IQANK1: variants seen among roughly 807,000 people sequenced by gnomAD.
The protein encoded by IQANK1 is IQ motif and ankyrin repeat domain-containing protein 1.
A neutral mutation model predicts 22.6 loss-of-function variants in IQANK1; 30 were observed. That is an observed-to-expected ratio of 1.33 (90% CI 0.99 to 1.80). The LOEUF (loss-of-function observed/expected upper bound fraction) is 1.80. Ranked by LOEUF, IQANK1 falls within the 40% of genes most tolerant of loss-of-function variation. IQANK1 has a pLI of 0.00. For missense variants in IQANK1, 275 were observed against 235.2 expected (o/e 1.17, Z -1.11); for synonymous variants, 122 against 99.6 (o/e 1.23, Z -1.34).
intron 3 of IQANK1, among the ~76,000 whole-genome samples, chr8:143,770,953 G>T (rs888339815): frequency 3.3e-5 from 5 of 152,244 alleles, no homozygotes; most frequent in African/African-American, 7.2e-5. Flanking sequence ...CTCCAGGCTC[G>T]GGCTCAGCGC....
chr8:143,735,665 G>T lies in IQANK1; in HGVS notation c.-4-185G>T, dbSNP rs1192718795. On this transcript the variant is annotated intron_variant, in intron 1 of 13. Transcript: ENST00000527139. This position sits in a 1 kb window ranked among gnomAD's most constrained non-coding sequence, Gnocchi z 5.2. ...GCTCTTGCCAGGCATCCCGGCTCAA[G>T]CTTCTGGGCACACACCCGGGGCGGG... Among the ~76,000 whole-genome samples the T allele has an allele frequency of 1.3e-5, 2 of 152,068 alleles. No individual in the cohort carries two copies. The highest frequency in any genetic ancestry group is 3.9e-4 in the East Asian group (2 of 5,182).
chr8:143,761,496 G>A (rs1391402716), intron 3 of IQANK1, among the ~76,000 whole-genome samples: 2 of 152,184 alleles, frequency 1.3e-5, no homozygotes, highest in Non-Finnish European at 2.9e-5. Flanking sequence ...TCGGCCTGGC[G>A]GGGTAACTCA....
chr8:143,756,934 C>T (rs782337781), intron 3 of IQANK1, among the ~76,000 whole-genome samples: 5 of 151,410 alleles, frequency 3.3e-5, no homozygotes, highest in African/African-American at 4.9e-5. Context: ...GCTGTGATCG[C>T]GCCACTGCAC....
chr8:143,789,335 A>G, intron 9 of IQANK1, 92 bp downstream of exon 9: 1 of 529,560 alleles, frequency 1.9e-6, no homozygotes, highest in Non-Finnish European at 2.9e-6. Context: ...AAGCTGGGGG[A>G]AGAGCCAGGA....
chr8:143,771,685 G>C lies in IQANK1; in HGVS notation c.306+67G>C. On this transcript the variant is annotated intron_variant, in intron 4 of 13. Coordinates refer to ENST00000527139, the MANE Select transcript of IQANK1 (RefSeq NM_001381874.1). The surrounding 1 kb of genome is among the most constrained non-coding windows in gnomAD (Gnocchi z 6.0). ...GCAGGGGGAGGAAATGGCGAAGCAGGGTGCGTGGTGGGGGTGAGGCTCAGA... is the reference window on the plus strand; with the variant it reads ...GCAGGGGGAGGAAATGGCGAAGCAGCGTGCGTGGTGGGGGTGAGGCTCAGA... 2.5e-6 allele frequency: 1 copy of C among 398,730 alleles called. No individual in the cohort carries two copies. 24.7% of individuals were successfully genotyped at this position (398,730 alleles called of 1,614,324 possible).
At chr8:143,777,296 A>G (rs1388270909) in intron 7 of IQANK1, among the ~76,000 whole-genome samples, 1 of 152,016 alleles carries the variant, frequency 6.6e-6, no homozygotes, top group Non-Finnish European at 1.5e-5. Context: ...TGCGTAGATC[A>G]CCTGAGGTCA....
chr8:143,737,631 C>G (rs1326412005), intron 2 of IQANK1, among the ~76,000 whole-genome samples: 1 of 152,208 alleles, frequency 6.6e-6, no homozygotes, highest in Admixed American at 6.5e-5. Context: ...CTCCCGCCAC[C>G]CCATCCAGGC....
At chr8:143,742,805 AGCAGCCCTGGGCCACACTGG>A (rs1563768317) in intron 3 of IQANK1, 1 of 456,092 alleles carries the variant, frequency 2.2e-6, no homozygotes, top group African/African-American at 2.0e-5. Context: ...CACCTTAGCC[AGCAGCCCTGGGCCACACTGG>A]GGATGGTCCC....
Position 143,767,899 on chromosome 8 carries a change from T to G in IQANK1, c.176-3589T>G, listed in dbSNP as rs1441667810. 4.8e-5 allele frequency among the ~76,000 whole-genome samples: 5 copies of G among 104,792 alleles called. 2 individuals are homozygous for G. The highest frequency in any genetic ancestry group is 4.1e-4 in the East Asian group (1 of 2,450). The allele number at this position is 104,792 out of a possible 152,430, so 68.7% of individuals were successfully genotyped here. ...GACCTTTTTTTTTTTTTTTTTTTTTTGTGAGACAGAGTCTCGCTCTGTCGC... is the reference window on the plus strand; with the variant it reads ...GACCTTTTTTTTTTTTTTTTTTTTTGGTGAGACAGAGTCTCGCTCTGTCGC... On this transcript the variant is annotated intron_variant, in intron 3 of 13. Transcript: ENST00000527139.
intron 3 of IQANK1, among the ~76,000 whole-genome samples, chr8:143,757,784 G>A (rs879987305): frequency 6.6e-6 from 1 of 152,154 alleles, no homozygotes; most frequent in Non-Finnish European, 1.5e-5. Context: ...GAGTAGCTAG[G>A]ATTTTACAGG....
intron 3 of IQANK1, chr8:143,742,189 C>T (rs1321546846): frequency 6.4e-5 from 23 of 359,792 alleles, no homozygotes; most frequent in Middle Eastern, 5.7e-4. Context: ...GTCCCGGGCT[C>T]GTTCACTTCA....
chr8:143,734,900 C>G (rs1554625442), intron 1 of IQANK1, among the ~76,000 whole-genome samples: 1 of 151,792 alleles, frequency 6.6e-6, no homozygotes, highest in Non-Finnish European at 1.5e-5. Context: ...CCAGGTCCCC[C>G]TCAGGCCCTC....
At chr8:143,743,987 C>G (rs1818977442) in intron 3 of IQANK1, 1 of 329,282 alleles carries the variant, frequency 3.0e-6, no homozygotes, top group African/African-American at 2.2e-5. Flanking sequence ...GCACCCACCA[C>G]CACACCCAGC....
At chr8:143,766,053 C>T (rs901226456) in intron 3 of IQANK1, among the ~76,000 whole-genome samples, 1 of 152,104 alleles carries the variant, frequency 6.6e-6, no homozygotes, top group South Asian at 2.1e-4. Context: ...GTGTAGGGAC[C>T]GGTGTTCTGC....
At chr8:143,749,067 T>G (rs1164037851) in intron 3 of IQANK1, among the ~76,000 whole-genome samples, 4 of 121,638 alleles carry the variant, frequency 3.3e-5, no homozygotes, top group Admixed American at 9.8e-5. Flanking sequence ...TAAATATATA[T>G]CATATATGAT....
At chr8:143,753,030 G>A (rs1352050474) in intron 3 of IQANK1, among the ~76,000 whole-genome samples, 1 of 130,568 alleles carries the variant, frequency 7.7e-6, no homozygotes, top group East Asian at 2.5e-4. Context: ...TTGAGACAGG[G>A]TCTCACTCTG....
chr8:143,762,341 GGAAAA>G (rs111349466), intron 3 of IQANK1, among the ~76,000 whole-genome samples: 17 of 151,104 alleles, frequency 1.1e-4, no homozygotes, highest in African/African-American at 4.2e-4. Flanking sequence ...AGGGAGGGAG[GGAAAA>G]GAAAAGAAAA....
chr8:143,786,823 A>T (rs1554631414), intron 7 of IQANK1, among the ~76,000 whole-genome samples: 1 of 152,172 alleles, frequency 6.6e-6, no homozygotes, highest in Admixed American at 6.5e-5. Flanking sequence ...GAGGGCTGTG[A>T]ACGCCTGAGG....
chr8:143,734,184 G>A lies in IQANK1; in HGVS notation c.-40G>A, dbSNP rs1040858552. 1.3e-5 allele frequency: 2 copies of A among 152,168 alleles called. No homozygotes were observed. The highest frequency in any genetic ancestry group is 2.4e-5 in the African/African-American group (1 of 41,454). The allele number at this position is 152,168 out of a possible 1,614,324, so 9.4% of individuals were successfully genotyped here. A position where few individuals can be genotyped will look rare whatever the true frequency, so the allele number is the denominator to read the frequency against. ...GCCCGACGCCAGGGGCGGAGCTCTG[G>A]CCTCCTCGCCGAGTTGGGGGAGGCA... On this transcript the variant is annotated 5_prime_UTR_variant, in exon 1 of 14. Coordinates refer to ENST00000527139, the MANE Select transcript of IQANK1 (RefSeq NM_001381874.1).
Sources: allele counts gnomAD v4.1 joint callset (sites outside exome capture counted in the v4.1 genomes callset), GRCh38; gene constraint gnomAD v4.1.1; non-coding constraint Gnocchi (gnomAD v3.1); transcripts MANE v1.5; gene names NCBI Gene and HGNC (gene_info 2026-07-23, HGNC 2026-07-21).